Variants in TRAPPC9 observed in about 807,000 individuals in gnomAD.
TRAPPC9 encodes the protein trafficking protein particle complex subunit 9.
In TRAPPC9, 83 loss-of-function variants were observed where a neutral mutation model predicts 124.0. That is an observed-to-expected ratio of 0.67 (90% CI 0.56 to 0.80). TRAPPC9 has a LOEUF of 0.80. Ranked by LOEUF, TRAPPC9 falls within the 30% of genes least tolerant of loss-of-function variation. The pLI is 0.00. For synonymous variants in TRAPPC9, 638 were observed against 617.5 expected, an observed-to-expected ratio of 1.03 and a Z score of -0.49; for missense variants, 1,302 against 1,508.3, an observed-to-expected ratio of 0.86 and a Z score of 2.27.
At chr8:139,815,008 C>T (rs974774628) in intron 21 of TRAPPC9, among the ~76,000 whole-genome samples, 4 of 152,338 alleles carry the variant, frequency 2.6e-5, no homozygotes, top group South Asian at 4.1e-4. Flanking sequence ...AGTATGTGTA[C>T]GGCAAAGCTG....
At chr8:139,847,975 T>C (rs1277724468) in intron 21 of TRAPPC9, among the ~76,000 whole-genome samples, 1 of 152,226 alleles carries the variant, frequency 6.6e-6, no homozygotes, top group Non-Finnish European at 1.5e-5. Context: ...CTGGGGCACG[T>C]GGGGCCTGGA....
intron 17 of TRAPPC9, among the ~76,000 whole-genome samples, chr8:140,105,466 G>A (rs1429727282): frequency 6.6e-6 from 1 of 152,120 alleles, no homozygotes; most frequent in Non-Finnish European, 1.5e-5. Context: ...TTATTGTCAA[G>A]AGAGAAAAAA....
intron 17 of TRAPPC9, among the ~76,000 whole-genome samples, chr8:140,052,666 C>T (rs2132094015): frequency 6.6e-6 from 1 of 152,154 alleles, no homozygotes; most frequent in Middle Eastern, 3.4e-3. Context: ...TCTGTAATCC[C>T]AGCTACTCAG....
At chr8:139,796,117 G>A (rs1406421881) in intron 21 of TRAPPC9, among the ~76,000 whole-genome samples, 1 of 144,778 alleles carries the variant, frequency 6.9e-6, no homozygotes, top group African/African-American at 2.6e-5. Context: ...AAGAGGAGGA[G>A]GGAGGAGGAA....
chr8:140,073,469 G>A (rs913906362), intron 17 of TRAPPC9, among the ~76,000 whole-genome samples: 1 of 152,208 alleles, frequency 6.6e-6, no homozygotes. Flanking sequence ...ATGCTGAGGT[G>A]CCTATTATGT....
At chr8:139,971,109 C>G (rs1836036757) in intron 19 of TRAPPC9, among the ~76,000 whole-genome samples, 1 of 151,824 alleles carries the variant, frequency 6.6e-6, no homozygotes, top group African/African-American at 2.4e-5. Context: ...CTGCAACCCA[C>G]CCCGAGATCA....
At chr8:140,185,036 G>A (rs1327877033) in intron 17 of TRAPPC9, among the ~76,000 whole-genome samples, 2 of 152,212 alleles carry the variant, frequency 1.3e-5, no homozygotes, top group Non-Finnish European at 2.9e-5. Flanking sequence ...CTCTTTCCAT[G>A]AGATAGCTTG....
At chr8:139,917,904 T>A (rs1474839095) in intron 19 of TRAPPC9, among the ~76,000 whole-genome samples, 1 of 152,142 alleles carries the variant, frequency 6.6e-6, no homozygotes, top group Non-Finnish European at 1.5e-5. Flanking sequence ...AGCCCAGCAC[T>A]CCCACAGCCA....
chr8:140,341,959 T>C (rs891593396), intron 9 of TRAPPC9, among the ~76,000 whole-genome samples: 2 of 152,206 alleles, frequency 1.3e-5, no homozygotes, highest in African/African-American at 2.4e-5. Flanking sequence ...CAGCAGAAGA[T>C]TGCTGCAGAT....
chr8:139,865,593 G>A (rs937185902), intron 21 of TRAPPC9, among the ~76,000 whole-genome samples: 2 of 152,164 alleles, frequency 1.3e-5, no homozygotes, highest in Admixed American at 6.5e-5. Context: ...TGAATGGCAA[G>A]GAAAGCTATG....
At chr8:140,258,199 G>A (rs183650604) in intron 15 of TRAPPC9, among the ~76,000 whole-genome samples, 5 of 152,352 alleles carry the variant, frequency 3.3e-5, no homozygotes, top group Admixed American at 6.5e-5. Flanking sequence ...CGGAGAGACC[G>A]CCATTCAGAC....
At chr8:140,108,564 C>T (rs2060709043) in intron 17 of TRAPPC9, among the ~76,000 whole-genome samples, 1 of 152,224 alleles carries the variant, frequency 6.6e-6, no homozygotes, top group Non-Finnish European at 1.5e-5. Flanking sequence ...CGCCTACCCT[C>T]ACAGGCCTCC....
chr8:140,013,537 A>T (rs1839268439), intron 18 of TRAPPC9, among the ~76,000 whole-genome samples: 1 of 152,208 alleles, frequency 6.6e-6, no homozygotes, highest in Non-Finnish European at 1.5e-5. Context: ...CCAAACAAAG[A>T]GTCACAGAGT....
chr8:139,747,699 G>A (rs1819011459), intron 21 of TRAPPC9, among the ~76,000 whole-genome samples: 1 of 73,348 alleles, frequency 1.4e-5, no homozygotes, highest in Admixed American at 1.3e-4. Context: ...TGGGTGTGGG[G>A]GGTGTCCCGG....
At chr8:140,383,876 T>C (rs949249438) in intron 7 of TRAPPC9, among the ~76,000 whole-genome samples, 7 of 151,820 alleles carry the variant, frequency 4.6e-5, no homozygotes, top group East Asian at 3.9e-4. Flanking sequence ...TTCACCAAAG[T>C]TGAAATGAAG....
chr8:140,009,278 C>T (rs1293372497), intron 18 of TRAPPC9, among the ~76,000 whole-genome samples: 1 of 152,190 alleles, frequency 6.6e-6, no homozygotes, highest in Non-Finnish European at 1.5e-5. Context: ...CTTGTTATAA[C>T]AGCAGACTGA....
intron 19 of TRAPPC9, among the ~76,000 whole-genome samples, chr8:139,917,014 C>A (rs1043264145): frequency 3.9e-5 from 6 of 152,168 alleles, no homozygotes; most frequent in Non-Finnish European, 7.3e-5. Flanking sequence ...ATCTTCCTGA[C>A]TCGTCCATCC....
intron 17 of TRAPPC9, among the ~76,000 whole-genome samples, chr8:140,123,406 C>T (rs1396784290): frequency 6.6e-6 from 1 of 152,184 alleles, no homozygotes; most frequent in Non-Finnish European, 1.5e-5. Flanking sequence ...AAATGCAGAC[C>T]TCAGACCCCT....
intron 16 of TRAPPC9, among the ~76,000 whole-genome samples, chr8:140,222,054 G>C (rs2063348513): frequency 6.6e-6 from 1 of 152,186 alleles, no homozygotes; most frequent in African/African-American, 2.4e-5. Context: ...CTTACCACCT[G>C]GATGTGATGA....
Sources: allele counts gnomAD v4.1 joint callset (sites outside exome capture counted in the v4.1 genomes callset), GRCh38; gene constraint gnomAD v4.1.1; transcripts MANE v1.5; gene names NCBI Gene and HGNC (gene_info 2026-07-23, HGNC 2026-07-21).